The following IGSF10 variants were observed in gnomAD, a reference collection of about 807,000 sequenced individuals.
The protein encoded by IGSF10 is calvaria mechanical force protein 608.
In IGSF10, 126 loss-of-function variants were observed where a neutral mutation model predicts 128.2. That is an observed-to-expected ratio of 0.98 (90% CI 0.85 to 1.14). The LOEUF is 1.14. Among genes scored for constraint, IGSF10 ranks in the 50% most tolerant of loss-of-function variants. The pLI, the probability that IGSF10 is intolerant of heterozygous loss-of-function variation, is 0.00. For missense variants in IGSF10, 3,295 were observed against 3,149.8 expected (o/e 1.05, Z -1.10); for synonymous variants, 1,185 against 1,146.2 (o/e 1.03, Z -0.68).
the IGSF10 span, among the ~76,000 whole-genome samples, chr3:151,578,440 G>A: frequency 6.6e-6 from 1 of 152,156 alleles, no homozygotes; most frequent in East Asian, 1.9e-4. Context: ...AAAAACAGAT[G>A]ATTGGTCTAA....
chr3:151,609,232 C>G, the IGSF10 span, among the ~76,000 whole-genome samples: 14 of 152,116 alleles, frequency 9.2e-5, no homozygotes, highest in Non-Finnish European at 1.9e-4. Context: ...GCATGAGGAA[C>G]AGGAAGGAGG....
the IGSF10 span, among the ~76,000 whole-genome samples, chr3:151,590,919 A>G: frequency 9.6e-4 from 147 of 152,338 alleles, no homozygotes; most frequent in African/African-American, 3.4e-3. Flanking sequence ...ATCAATGGCA[A>G]GTCACTGAAG....
chr3:151,438,540 T>C lies in IGSF10; in HGVS notation c.6021A>G (p.Thr2007=), dbSNP rs1335647282. 1.4e-5 allele frequency: 23 copies of C among 1,613,886 alleles called. No homozygotes were observed. The highest frequency in any genetic ancestry group is 1.7e-5 in the Non-Finnish European group (20 of 1,180,040). Residue 2007 remains threonine (T), a synonymous_variant, in exon 8 of 8, where the codon ACA becomes ACG. Coordinates refer to ENST00000282466, the MANE Select transcript of IGSF10 (RefSeq NM_178822.5). ...PNGSLFIGSV[T]EKDSGVYLCV... ...ACAAGTAGACACCACTGTCTTTTTCTGTTACTGATCCAATAAACAGGGATC... is the reference window on the plus strand; with the variant it reads ...ACAAGTAGACACCACTGTCTTTTTCCGTTACTGATCCAATAAACAGGGATC...
the IGSF10 span, among the ~76,000 whole-genome samples, chr3:151,567,873 A>G: frequency 6.6e-6 from 1 of 152,114 alleles, no homozygotes; most frequent in African/African-American, 2.4e-5. Flanking sequence ...CCTGGCTTCC[A>G]CAAGCGACTT....
downstream of IGSF10, chr3:151,432,836 G>A (rs762868246): frequency 1.9e-6 from 3 of 1,571,810 alleles, no homozygotes; most frequent in Admixed American, 3.4e-5. Flanking sequence ...GACGTTTTAT[G>A]TTTGCACTGA....
the IGSF10 span, among the ~76,000 whole-genome samples, chr3:151,509,467 C>T: frequency 2.0e-5 from 3 of 152,128 alleles, no homozygotes; most frequent in Non-Finnish European, 2.9e-5. Context: ...TTCCTGCGTC[C>T]TTAAAGATTT....
At position 151,447,069 on chromosome 3, in the gene IGSF10, G is replaced by A. The variant is rs1369009579; in HGVS notation, c.2912C>T (p.Ser971Phe). 1 of 1,614,152 alleles carries A rather than the reference G, an allele frequency of 6.2e-7. No individual in the cohort carries two copies. The highest frequency in any genetic ancestry group is 8.5e-7 in the Non-Finnish European group (1 of 1,179,976). The part of the protein sequence containing the change: ...VSEPRHNHFY[S>F]HTTQILSTST... ...GGTGCTAAGTATTTGAGTAGTGTGA[G>A]AATAGAAGTGATTGTGCCTGGGTTC... The change falls in exon 6 of 8, where the codon TCT (serine) becomes TTT (phenylalanine). Residue 971 changes from serine (S) to phenylalanine (F), a missense_variant. Transcript: ENST00000282466.
chr3:151,492,895 A>T, the IGSF10 span, among the ~76,000 whole-genome samples: 1 of 152,180 alleles, frequency 6.6e-6, no homozygotes, highest in Non-Finnish European at 1.5e-5. Context: ...CTGTCTGTTG[A>T]TAAAGGAAAT....
the IGSF10 span, among the ~76,000 whole-genome samples, chr3:151,526,731 A>G: frequency 6.6e-6 from 1 of 151,896 alleles, no homozygotes; most frequent in Non-Finnish European, 1.5e-5. Flanking sequence ...TTTCAGATTT[A>G]CTCCAGTCTT....
chr3:151,555,729 A>G, the IGSF10 span, among the ~76,000 whole-genome samples: 1 of 152,202 alleles, frequency 6.6e-6, no homozygotes, highest in Non-Finnish European at 1.5e-5. Flanking sequence ...GCATGATTTC[A>G]CAAAGCCCCT....
At chr3:151,587,169 T>C in the IGSF10 span, among the ~76,000 whole-genome samples, 1 of 152,180 alleles carries the variant, frequency 6.6e-6, no homozygotes, top group Non-Finnish European at 1.5e-5. Flanking sequence ...CTCTATATCT[T>C]AGACACCATA....
At chr3:151,560,802 GT>G in the IGSF10 span, among the ~76,000 whole-genome samples, 25 of 152,008 alleles carry the variant, frequency 1.6e-4, no homozygotes, top group Admixed American at 9.8e-4. Context: ...ACTCTGTGGT[GT>G]GTTGTTTGTT....
At chr3:151,559,562 ATTTCT>A in the IGSF10 span, among the ~76,000 whole-genome samples, 505 of 152,236 alleles carry the variant, frequency 3.3e-3, no homozygotes, top group African/African-American at 0.012. Context: ...ATCTAGGAAA[ATTTCT>A]TAATTTATTG....
the IGSF10 span, among the ~76,000 whole-genome samples, chr3:151,604,626 C>CACACACACACAT: frequency 5.8e-5 from 7 of 121,510 alleles, no homozygotes; most frequent in African/African-American, 2.1e-4. Flanking sequence ...CACACACACA[C>CACACACACACAT]ATATATATAT....
the IGSF10 span, among the ~76,000 whole-genome samples, chr3:151,480,230 GA>G: frequency 6.6e-6 from 1 of 152,180 alleles, no homozygotes; most frequent in Non-Finnish European, 1.5e-5. Flanking sequence ...AGCAGCAGCA[GA>G]AATCCTGCAG....
the IGSF10 span, among the ~76,000 whole-genome samples, chr3:151,547,336 G>A: frequency 2.0e-5 from 3 of 151,746 alleles, no homozygotes; most frequent in Admixed American, 6.6e-5. Context: ...CAGTGATTAT[G>A]TTCTTGCACA....
the IGSF10 span, among the ~76,000 whole-genome samples, chr3:151,486,020 G>C: frequency 6.6e-6 from 1 of 152,170 alleles, no homozygotes; most frequent in Non-Finnish European, 1.5e-5. Context: ...TGGATAAAGA[G>C]TCAAGACCCA....
chr3:151,494,828 A>G, the IGSF10 span, among the ~76,000 whole-genome samples: 1 of 152,162 alleles, frequency 6.6e-6, no homozygotes, highest in Non-Finnish European at 1.5e-5. Context: ...GATAATCAGC[A>G]AGGGTTTGTC....
At chr3:151,469,918 G>A in the IGSF10 span, among the ~76,000 whole-genome samples, 52,133 of 151,976 alleles carry the variant, frequency 0.34, 9,080 homozygotes, top group Middle Eastern at 0.41. Context: ...AAGATTTCCC[G>A]TAGTCCCAAA....
Sources: allele counts gnomAD v4.1 joint callset (sites outside exome capture counted in the v4.1 genomes callset), GRCh38; gene constraint gnomAD v4.1.1; transcripts MANE v1.5; gene names NCBI Gene and HGNC (gene_info 2026-07-23, HGNC 2026-07-21).